FBN1: variants seen among roughly 807,000 people sequenced by gnomAD.
FBN1 encodes the protein fibrillin 1.
In FBN1, 29 loss-of-function variants were observed where a neutral mutation model predicts 365.1. The observed-to-expected ratio is 0.08, with a 90% CI of 0.06 to 0.11. FBN1 has a LOEUF of 0.11. FBN1 is among the 10% of genes least tolerant of loss of function. The probability of loss-of-function intolerance (pLI) is 1.00; values close to 1 mark genes in which losing one functional copy is unlikely to be tolerated. For missense variants in FBN1, 2,476 were observed against 3,703.2 expected (o/e 0.67, Z 8.60); for synonymous variants, 1,210 against 1,270.5 (o/e 0.95, Z 1.01).
chr15:48,428,537 C>CTCCT, intron 56 of FBN1, 66 bp from the exon 57 acceptor site: 1 of 1,580,338 alleles, frequency 6.3e-7, no homozygotes, highest in Non-Finnish European at 8.7e-7. Flanking sequence ...GAGGATGGAG[C>CTCCT]TCCTTCCTTC....
intron 7 of FBN1, among the ~76,000 whole-genome samples, chr15:48,536,459 C>T (rs1240951686): frequency 6.6e-6 from 1 of 152,122 alleles, no homozygotes; most frequent in Non-Finnish European, 1.5e-5. Context: ...TGGGTATTAG[C>T]TAACTTTGTA....
intron 4 of FBN1, among the ~76,000 whole-genome samples, chr15:48,609,123 G>A (rs1001489821): frequency 6.6e-6 from 1 of 152,224 alleles, no homozygotes; most frequent in South Asian, 2.1e-4. Flanking sequence ...AGACGGAGAT[G>A]TCCCGCATGT....
chr15:48,609,059 T>C (rs886091590), intron 4 of FBN1, among the ~76,000 whole-genome samples: 3 of 152,218 alleles, frequency 2.0e-5, no homozygotes, highest in African/African-American at 4.8e-5. Flanking sequence ...TGCACTTCTT[T>C]TCCAACCCTG....
intron 18 of FBN1, among the ~76,000 whole-genome samples, 170 bp from the exon 19 acceptor site, chr15:48,497,561 T>G (rs1459344695): frequency 6.6e-6 from 1 of 152,164 alleles, no homozygotes; most frequent in Admixed American, 6.5e-5. Flanking sequence ...TGTAAGATAT[T>G]CTGAGTCCAA....
chr15:48,444,696 C>T (rs1223038499), intron 48 of FBN1, 36 bp from the exon 49 acceptor site: 25 of 1,610,830 alleles, frequency 1.6e-5, no homozygotes, highest in Non-Finnish European at 2.0e-5. Context: ...AAGAGGTTCC[C>T]ACTGGCATGA....
At chr15:48,435,188 G>C (rs1459715419) in intron 53 of FBN1, among the ~76,000 whole-genome samples, 1 of 152,134 alleles carries the variant, frequency 6.6e-6, no homozygotes, top group Non-Finnish European at 1.5e-5. Flanking sequence ...AATTCGACTT[G>C]CTCAGTGGCA....
intron 32 of FBN1, among the ~76,000 whole-genome samples, chr15:48,480,199 T>C (rs1482561940): frequency 6.6e-6 from 1 of 152,180 alleles, no homozygotes; most frequent in Non-Finnish European, 1.5e-5. Context: ...GATTAACTTC[T>C]TTCATAAGCA....
intron 6 of FBN1, among the ~76,000 whole-genome samples, chr15:48,578,973 A>G: frequency 6.7e-6 from 1 of 149,106 alleles, no homozygotes; most frequent in African/African-American, 2.5e-5. Flanking sequence ...AACCTGCACA[A>G]TGTGCACATG....
At chr15:48,445,175 T>G (rs543038735) in intron 48 of FBN1, among the ~76,000 whole-genome samples, 2 of 139,990 alleles carry the variant, frequency 1.4e-5, no homozygotes, top group Non-Finnish European at 3.1e-5. Context: ...TATACACACA[T>G]ATATATATGT....
At chr15:48,421,440 T>G in intron 62 of FBN1, 118 bp downstream of exon 62, 6 of 1,236,416 alleles carry the variant, frequency 4.9e-6, no homozygotes, top group Non-Finnish European at 3.5e-6. Flanking sequence ...TTTAGCTGAG[T>G]GCCCCCCTGG....
At position 48,600,200 on chromosome 15, in the gene FBN1, A is replaced by G. The variant is rs1359132117; in HGVS notation, c.381T>C (p.Gly127=). The change falls in exon 5 of 66, where the codon GGT becomes GGC. Residue 127 remains glycine, a synonymous_variant. Transcript: ENST00000316623. The part of the protein sequence containing the change: ...QHCNIRCMNG[G]SCSDDHCLCQ... ...ATAGACAGTGATCGTCACTGCAGCT[A>G]CCTCCATTCATACAGCGAATATTGC... 3.1e-6 allele frequency: 5 copies of G among 1,613,864 alleles called. No individual in the cohort carries two copies. Among genetic ancestry groups the G allele is most frequent in the East Asian group, 2.2e-5 (1 of 44,876 alleles).
At chr15:48,503,283 C>A (rs1419373429) in intron 17 of FBN1, among the ~76,000 whole-genome samples, 2 of 121,422 alleles carry the variant, frequency 1.6e-5, no homozygotes, top group Non-Finnish European at 3.2e-5. Context: ...GGCAACAGGG[C>A]GAGACTCCAT....
chr15:48,549,757 T>C (rs1356295814), intron 6 of FBN1, among the ~76,000 whole-genome samples: 1 of 152,008 alleles, frequency 6.6e-6, no homozygotes, highest in African/African-American at 2.4e-5. Flanking sequence ...GATAACTTAC[T>C]CTGATTTACT....
At chr15:48,440,017 T>C (rs780791591) in intron 50 of FBN1, among the ~76,000 whole-genome samples, 1 of 152,304 alleles carries the variant, frequency 6.6e-6, no homozygotes. Context: ...AACCCAGCTC[T>C]CAATTTCCTG....
intron 47 of FBN1, among the ~76,000 whole-genome samples, chr15:48,445,854 C>A (rs1401648387): frequency 6.6e-6 from 1 of 151,922 alleles, no homozygotes; most frequent in Admixed American, 6.6e-5. Context: ...CAGCTAAGGG[C>A]ATTCCTTTGT....
chr15:48,629,762 T>C (rs996256899), intron 2 of FBN1, among the ~76,000 whole-genome samples: 6 of 152,256 alleles, frequency 3.9e-5, no homozygotes, highest in African/African-American at 1.4e-4. Context: ...TCCACATCTG[T>C]GTTAAATAAA....
intron 35 of FBN1, among the ~76,000 whole-genome samples, chr15:48,472,278 G>A (rs1055099887): frequency 1.2e-4 from 19 of 152,088 alleles, no homozygotes; most frequent in Non-Finnish European, 2.9e-5. Context: ...AACCACACTT[G>A]GTTACCCTCA....
chr15:48,496,869 G>GT (rs373608756), intron 19 of FBN1, among the ~76,000 whole-genome samples: 19 of 152,226 alleles, frequency 1.2e-4, no homozygotes, highest in African/African-American at 4.1e-4. Context: ...AATAAGCTGT[G>GT]TTTTTTTCTG....
At position 48,510,075 on chromosome 15, in the gene FBN1, A is replaced by G. The variant is rs2043745785; in HGVS notation, c.1683T>C (p.Phe561=). 1 of 1,613,550 alleles carries G rather than the reference A, an allele frequency of 6.2e-7. No homozygotes were observed. Among genetic ancestry groups the G allele is most frequent in the South Asian group, 1.1e-5 (1 of 91,070 alleles). ...GSFHCVCNAG[F]HVTRDGKNCE... is the part of the protein sequence containing the mutation. ...AGTTCTTCCCATCTCGTGTAACATG[A>G]AAGCCCGCATTACACACGCAATGAA... Residue 561 remains phenylalanine (F), a synonymous_variant, in exon 14 of 66, where the codon TTT becomes TTC. Coordinates refer to ENST00000316623, the MANE Select transcript of FBN1 (RefSeq NM_000138.5).
Sources: gnomAD v4.1 joint callset for allele counts (sites outside exome capture counted in the v4.1 genomes callset) on GRCh38, gnomAD v4.1.1 for gene constraint, MANE v1.5 for transcripts, NCBI Gene and HGNC (gene_info 2026-07-23, HGNC 2026-07-21) for gene names.